The following RAPGEF5 variants were observed in gnomAD, a reference collection of about 807,000 sequenced individuals.
RAPGEF5 encodes the protein M-Ras-regulated GEF.
Under a neutral mutation model 125.2 loss-of-function variants are expected in RAPGEF5, and 65 were observed. That is an observed-to-expected ratio of 0.52 (90% CI 0.43 to 0.64). The LOEUF (loss-of-function observed/expected upper bound fraction) is 0.64. Ranked by LOEUF, RAPGEF5 falls within the 30% of genes least tolerant of loss-of-function variation. The pLI is 0.00. For synonymous variants in RAPGEF5, 391 were observed against 385.9 expected, an observed-to-expected ratio of 1.01 and a Z score of -0.16; for missense variants, 958 against 1,048.1, an observed-to-expected ratio of 0.91 and a Z score of 1.19.
intron 6 of RAPGEF5, among the ~76,000 whole-genome samples, chr7:22,270,660 G>C (rs536986928): frequency 5.3e-5 from 8 of 152,276 alleles, no homozygotes; most frequent in African/African-American, 1.9e-4. Flanking sequence ...TTATTAGCTT[G>C]GCTTTTCCTG....
At chr7:22,249,188 TTTTTG>T (rs1337882536) in intron 7 of RAPGEF5, among the ~76,000 whole-genome samples, 1 of 152,140 alleles carries the variant, frequency 6.6e-6, no homozygotes, top group Non-Finnish European at 1.5e-5. Flanking sequence ...TTATTTACCC[TTTTTG>T]TTTTGTTTTG....
At chr7:22,337,871 C>T (rs193297687) in intron 1 of RAPGEF5, among the ~76,000 whole-genome samples, 2 of 152,346 alleles carry the variant, frequency 1.3e-5, no homozygotes, top group South Asian at 2.1e-4. Context: ...TAACACACCA[C>T]TCACATTTAT....
intron 16 of RAPGEF5, among the ~76,000 whole-genome samples, chr7:22,154,929 T>C (rs1044981343): frequency 2.0e-5 from 3 of 152,230 alleles, no homozygotes; most frequent in African/African-American, 7.2e-5. Context: ...CTGACCATAA[T>C]ACAGTGGAAA....
Position 22,158,824 on chromosome 7 carries a change from C to T in RAPGEF5, c.1527-939G>A, listed in dbSNP as rs569087294. Among the ~76,000 whole-genome samples the T allele has an allele frequency of 2.5e-4, 38 of 152,222 alleles. No individual in the cohort carries two copies. The South Asian group carries it at 7.5e-3, about 30-fold the overall frequency. ...ATTTTTTGTAGAGATGGGGGTCTCACTATGTTGCCCAGGGTAGTCTTAAAC... is the reference window on the plus strand; with the variant it reads ...ATTTTTTGTAGAGATGGGGGTCTCATTATGTTGCCCAGGGTAGTCTTAAAC... On this transcript the variant is annotated intron_variant, in intron 14 of 25. Transcript: ENST00000665637.
chr7:22,319,928 G>T (rs1783682365), intron 1 of RAPGEF5, among the ~76,000 whole-genome samples: 1 of 151,672 alleles, frequency 6.6e-6, no homozygotes, highest in Admixed American at 6.6e-5. Flanking sequence ...TTGCCAACCG[G>T]AATCTGGCTG....
intron 1 of RAPGEF5, among the ~76,000 whole-genome samples, chr7:22,344,568 T>C (rs1446507209): frequency 6.6e-6 from 1 of 152,092 alleles, no homozygotes; most frequent in Non-Finnish European, 1.5e-5. Context: ...GCTGGCCTCT[T>C]GCTCCTCCTG....
chr7:22,341,265 A>G (rs1026250606), intron 1 of RAPGEF5, among the ~76,000 whole-genome samples: 2 of 152,144 alleles, frequency 1.3e-5, no homozygotes, highest in African/African-American at 4.8e-5. Flanking sequence ...AAACCATCAG[A>G]TCTCATGAGA....
intron 1 of RAPGEF5, among the ~76,000 whole-genome samples, chr7:22,350,099 T>C (rs1430389302): frequency 5.3e-5 from 8 of 152,216 alleles, no homozygotes; most frequent in Non-Finnish European, 1.2e-4. Context: ...TTCCAGATCA[T>C]ATATCATTAC....
At chr7:22,300,832 T>G (rs1482569172) in intron 5 of RAPGEF5, among the ~76,000 whole-genome samples, 1 of 152,032 alleles carries the variant, frequency 6.6e-6, no homozygotes, top group African/African-American at 2.4e-5. Context: ...AAAAGGAGAA[T>G]CAAGACAAGG....
intron 8 of RAPGEF5, among the ~76,000 whole-genome samples, chr7:22,221,484 G>A (rs1053217417): frequency 6.6e-6 from 1 of 152,122 alleles, no homozygotes; most frequent in African/African-American, 2.4e-5. Context: ...ATCTGATATG[G>A]TTTTGCAGAG....
At chr7:22,144,538 C>T (rs1783366059) in intron 20 of RAPGEF5, among the ~76,000 whole-genome samples, 1 of 152,124 alleles carries the variant, frequency 6.6e-6, no homozygotes, top group African/African-American at 2.4e-5. Context: ...GAGGGACAGA[C>T]ATTTAGAGTG....
intron 16 of RAPGEF5, 96 bp downstream of exon 16, chr7:22,156,713 TG>T: frequency 6.4e-7 from 1 of 1,572,878 alleles, no homozygotes; most frequent in Non-Finnish European, 8.6e-7. Flanking sequence ...GGGTGACAGC[TG>T]GAAATGAAGG....
At chr7:22,126,235 C>T (rs929273258) in intron 24 of RAPGEF5, among the ~76,000 whole-genome samples, 1 of 152,150 alleles carries the variant, frequency 6.6e-6, no homozygotes, top group Non-Finnish European at 1.5e-5. Context: ...TAGAGAAGTG[C>T]AGCACCCCCA....
At chr7:22,201,344 C>T (rs1785272363) in intron 9 of RAPGEF5, among the ~76,000 whole-genome samples, 1 of 152,222 alleles carries the variant, frequency 6.6e-6, no homozygotes, top group African/African-American at 2.4e-5. Flanking sequence ...CAGGGTGATG[C>T]ATTCCACAGT....
chr7:22,221,522 T>TTCC (rs1785788523), intron 8 of RAPGEF5, among the ~76,000 whole-genome samples: 1 of 152,224 alleles, frequency 6.6e-6, no homozygotes, highest in African/African-American at 2.4e-5. Flanking sequence ...TCTCAAATTG[T>TTCC]AGTTCCCATA....
At chr7:22,281,876 C>G (rs947811801) in intron 6 of RAPGEF5, among the ~76,000 whole-genome samples, 14 of 152,204 alleles carry the variant, frequency 9.2e-5, no homozygotes, top group Non-Finnish European at 1.9e-4. Context: ...CTTAACCTCT[C>G]CCTCTGCAAT....
intron 1 of RAPGEF5, among the ~76,000 whole-genome samples, chr7:22,319,606 T>A (rs908979771): frequency 6.6e-6 from 1 of 152,192 alleles, no homozygotes; most frequent in African/African-American, 2.4e-5. Flanking sequence ...TCATGTACCA[T>A]GAGCCTATGT....
At chr7:22,293,120 C>T (rs989446408) in intron 5 of RAPGEF5, among the ~76,000 whole-genome samples, 1 of 152,184 alleles carries the variant, frequency 6.6e-6, no homozygotes, top group Non-Finnish European at 1.5e-5. Context: ...TCCCACAGCC[C>T]ATATCCCACT....
chr7:22,132,304 C>A, intron 23 of RAPGEF5, among the ~76,000 whole-genome samples: 1 of 152,040 alleles, frequency 6.6e-6, no homozygotes, highest in East Asian at 1.9e-4. Flanking sequence ...CTGATGCAAC[C>A]CTTTCCTCAA....
Sources: gnomAD v4.1 joint callset for allele counts (sites outside exome capture counted in the v4.1 genomes callset) on GRCh38, gnomAD v4.1.1 for gene constraint, MANE v1.5 for transcripts, NCBI Gene and HGNC (gene_info 2026-07-23, HGNC 2026-07-21) for gene names.